The following GLG1 variants were observed in gnomAD, a reference collection of about 807,000 sequenced individuals.
GLG1 encodes the protein Golgi apparatus protein 1.
Under a neutral mutation model 160.5 loss-of-function variants are expected in GLG1, and 38 were observed. The observed-to-expected ratio is 0.24, with a 90% confidence interval of 0.18 to 0.31. The LOEUF is 0.31. GLG1 is among the 10% of genes least tolerant of loss of function. The probability of loss-of-function intolerance (pLI) is 1.00; values close to 1 mark genes in which losing one functional copy is unlikely to be tolerated. For missense variants in GLG1, 1,373 were observed against 1,505.2 expected, an observed-to-expected ratio of 0.91 and a Z score of 1.45; for synonymous variants, 644 against 543.4, an observed-to-expected ratio of 1.19 and a Z score of -2.57.
In GLG1 at chr16:74,447,470, T is replaced by C. The variant is rs1044859480; in HGVS notation, c.*5697A>G. On this transcript the variant is annotated 3_prime_UTR_variant, in exon 26 of 26. Coordinates refer to ENST00000422840, the MANE Select transcript of GLG1 (RefSeq NM_001145667.2). Reference sequence around the variant, plus strand: ...GCAAACTCTTTATTAAATTCTCCCATTTCATCTGTACAGAAAAAAATGCAC... The same window carrying C: ...GCAAACTCTTTATTAAATTCTCCCACTTCATCTGTACAGAAAAAAATGCAC... 3 of 152,188 alleles carry C rather than the reference T, an allele frequency of 2.0e-5. No homozygotes were observed. Among genetic ancestry groups the C allele is most frequent in the African/African-American group, 7.2e-5 (3 of 41,446 alleles). 9.4% of individuals were successfully genotyped at this position (152,188 alleles called of 1,614,324 possible). A position where few individuals can be genotyped will look rare whatever the true frequency, so the allele number is the denominator to read the frequency against.
chr16:74,453,203 G>A lies in GLG1; in HGVS notation c.3504C>T (p.Ile1168=). ...TGAGCTCTCGTGTCACTCGCTTGGT[G>A]ATCCGTCCACACATCAGGCCAATCA... ...LFLIGLMCGR[I]TKRVTRELKD... is the part of the protein sequence containing the mutation. The change falls in exon 26 of 26, where the codon ATC becomes ATT. Residue 1168 remains isoleucine (I), a synonymous_variant. Coordinates refer to ENST00000422840, the MANE Select transcript of GLG1 (RefSeq NM_001145667.2). 1 of 1,614,112 alleles carries A rather than the reference G, an allele frequency of 6.2e-7. No individual in the cohort carries two copies. The highest frequency in any genetic ancestry group is 8.5e-7 in the Non-Finnish European group (1 of 1,179,986).
intron 1 of GLG1, among the ~76,000 whole-genome samples, chr16:74,535,841 G>A (rs1392447988): frequency 5.3e-5 from 8 of 152,242 alleles, no homozygotes; most frequent in Admixed American, 2.0e-4. Flanking sequence ...GAACCAAATC[G>A]CTATGAAGAA....
rs372186029 is a variant in GLG1 at position 74,474,642 on chromosome 16, T to G, written c.1966-10A>C. The G allele has an allele frequency of 3.6e-6, 5 of 1,370,258 alleles. No individual in the cohort carries two copies. The African/African-American group carries it at 7.1e-5, about 19-fold the overall frequency. 84.9% of individuals were successfully genotyped at this position (1,370,258 alleles called of 1,614,324 possible). ...GAAGGCACTCCAGCTCCTGCAAATA[T>G]AAAGGCAAGCCACTGGCATTTATCA... On this transcript the variant is annotated splice_polypyrimidine_tract_variant and intron_variant, in intron 12 of 25. Coordinates refer to ENST00000422840, the MANE Select transcript of GLG1 (RefSeq NM_001145667.2).
chr16:74,493,516 T>A (rs1354229355), intron 6 of GLG1, among the ~76,000 whole-genome samples: 3 of 152,200 alleles, frequency 2.0e-5, no homozygotes, highest in Non-Finnish European at 4.4e-5. Context: ...AACATAACAT[T>A]TGGGATATTC....
At chr16:74,459,854 CTTTT>C (rs71158515) in intron 22 of GLG1, 65 bp from the exon 23 acceptor site, 7 of 643,034 alleles carry the variant, frequency 1.1e-5, no homozygotes, top group East Asian at 6.5e-5. Context: ...ACAGTTTCTT[CTTTT>C]TTTTTTTTAT....
At chr16:74,543,039 A>C (rs1205138937) in intron 1 of GLG1, among the ~76,000 whole-genome samples, 5 of 152,046 alleles carry the variant, frequency 3.3e-5, no homozygotes, top group Admixed American at 2.0e-4. Context: ...TGCACATGCC[A>C]CAACTCTTCC....
At chr16:74,543,085 C>A (rs1368098103) in intron 1 of GLG1, among the ~76,000 whole-genome samples, 1 of 151,890 alleles carries the variant, frequency 6.6e-6, no homozygotes, top group African/African-American at 2.4e-5. Context: ...TTTACTTGAA[C>A]TGGCCTAAGC....
In GLG1 at chr16:74,544,023, G is replaced by T. The variant is rs2550858; in HGVS notation, c.439-11870C>A. ...AAAATATTGTTATAGAAATGGCTTG[G>T]AGAAGTGAAAGGAGATGGGCAGAAC... On this transcript the variant is annotated intron_variant, in intron 1 of 25. Transcript: ENST00000422840. Among the ~76,000 whole-genome samples, 7 of 152,334 alleles carry T rather than the reference G, an allele frequency of 4.6e-5. No individual in the cohort carries two copies. The East Asian group carries it at 5.8e-4, about 13-fold the overall frequency.
chr16:74,529,820 T>TC (rs1194557932), intron 2 of GLG1, among the ~76,000 whole-genome samples: 1 of 138,744 alleles, frequency 7.2e-6, no homozygotes, highest in South Asian at 2.5e-4. Flanking sequence ...TTCTTTTTTT[T>TC]TTTTTTTTTT....
At chr16:74,494,380 T>C (rs1041828100) in intron 6 of GLG1, among the ~76,000 whole-genome samples, 4 of 150,674 alleles carry the variant, frequency 2.7e-5, no homozygotes, top group East Asian at 2.0e-4. Flanking sequence ...ATAAGAAATA[T>C]TGTTTCAGAG....
At position 74,471,234 on chromosome 16, in the gene GLG1, T is replaced by C. The variant is rs1567464078; in HGVS notation, c.2168A>G (p.Gln723Arg). ...DSGDLMECLIQNKHQKDMNEK... is the reference protein window; with the variant it reads ...DSGDLMECLIRNKHQKDMNEK... ...GTTCATGTCCTTCTGGTGTTTGTTC[T>C]GTATCAGACACTCCATCAGGTCCCC... Residue 723 changes from glutamine (Q) to arginine (R), a missense_variant, in exon 15 of 26, where the codon CAG becomes CGG. Coordinates refer to ENST00000422840, the MANE Select transcript of GLG1 (RefSeq NM_001145667.2). 6.2e-7 allele frequency: 1 copy of C among 1,612,878 alleles called. No individual in the cohort carries two copies. The highest frequency in any genetic ancestry group is 8.5e-7 in the Non-Finnish European group (1 of 1,178,850).
chr16:74,598,620 C>T (rs1247678125), intron 1 of GLG1, among the ~76,000 whole-genome samples: 17 of 151,656 alleles, frequency 1.1e-4, no homozygotes, highest in Admixed American at 8.6e-4. Flanking sequence ...AGGCCGGGCG[C>T]GGTGGCTCAC....
At chr16:74,523,793 CTT>C (rs776779186) in intron 2 of GLG1, among the ~76,000 whole-genome samples, 144 of 152,078 alleles carry the variant, frequency 9.5e-4, no homozygotes, top group Non-Finnish European at 1.8e-3. Flanking sequence ...TATCATGAGA[CTT>C]TACTAAGTTC....
chr16:74,590,858 T>C (rs1958164545), intron 1 of GLG1, among the ~76,000 whole-genome samples: 1 of 147,132 alleles, frequency 6.8e-6, no homozygotes, highest in Non-Finnish European at 1.5e-5. Context: ...CACTAAAAGC[T>C]GCTATCAATA....
chr16:74,591,542 G>C (rs1470429135), intron 1 of GLG1, among the ~76,000 whole-genome samples: 2 of 145,710 alleles, frequency 1.4e-5, no homozygotes, highest in African/African-American at 2.5e-5. Flanking sequence ...GCAGGAGAAT[G>C]GCCTGAACCC....
chr16:74,551,326 G>A (rs1161088962), intron 1 of GLG1, among the ~76,000 whole-genome samples: 7 of 152,098 alleles, frequency 4.6e-5, no homozygotes, highest in South Asian at 2.1e-4. Context: ...ACAAGGTCTC[G>A]TTCTGTCACC....
rs551796849 is a variant in GLG1, at chr16:74,474,432, T to G, written c.2052+114A>C. 42 of 695,970 alleles carry G rather than the reference T, an allele frequency of 6.0e-5. No homozygotes were observed. The Middle Eastern group carries it at 1.5e-3, about 25-fold the overall frequency. The allele number at this position is 695,970 out of a possible 1,614,324, so 43.1% of individuals were successfully genotyped here. A position where few individuals can be genotyped will look rare whatever the true frequency, so the allele number is the denominator to read the frequency against. ...ACATGGAAAATTTGATCAGGTTTCT[T>G]TTGATTGACAGAAAATCTGCACTCT... On this transcript the variant is annotated intron_variant, in intron 13 of 25. Transcript: ENST00000422840.
At chr16:74,518,187 T>C (rs943387534) in intron 2 of GLG1, among the ~76,000 whole-genome samples, 15 of 152,148 alleles carry the variant, frequency 9.9e-5, no homozygotes, top group Non-Finnish European at 2.2e-4. Flanking sequence ...TTCACAGAAT[T>C]GGTAAAAACG....
At chr16:74,470,160 C>G (rs2015144918) in intron 15 of GLG1, 87 bp from the exon 16 acceptor site, 1 of 789,100 alleles carries the variant, frequency 1.3e-6, no homozygotes, top group East Asian at 2.5e-5. Flanking sequence ...ATAGCTCTCA[C>G]AAGCCTGTTT....
Sources: allele counts gnomAD v4.1 joint callset (sites outside exome capture counted in the v4.1 genomes callset), GRCh38; gene constraint gnomAD v4.1.1; transcripts MANE v1.5; gene names NCBI Gene and HGNC (gene_info 2026-07-23, HGNC 2026-07-21).